The following ENTPD6 variants were observed in gnomAD, a reference collection of about 807,000 sequenced individuals.
The protein encoded by ENTPD6 is CD39 antigen-like 2.
ENTPD6 carries 46 observed loss-of-function variants against 61.5 expected under a neutral mutation model. The ratio of observed to expected loss-of-function variants is 0.75; its 90% CI spans 0.59 to 0.96. The LOEUF is 0.96. Among genes scored for constraint, ENTPD6 ranks in the 40% least tolerant of loss-of-function variants. The pLI is 0.00. For missense variants in ENTPD6, 612 were observed against 629.0 expected (o/e 0.97, Z 0.29); for synonymous variants, 252 against 255.5 (o/e 0.99, Z 0.13).
chr20:25,216,526 C>G (rs2092320879), intron 7 of ENTPD6, 122 bp from the exon 8 acceptor site: 2 of 673,024 alleles, frequency 3.0e-6, no homozygotes, highest in South Asian at 1.8e-5. Context: ...GGAGATTTGT[C>G]AATAGCTGAG....
At position 25,197,885 on chromosome 20, in the gene ENTPD6, T is replaced by C. The variant is rs554978037; in HGVS notation, c.-16+2018T>C. ...GTTTTTTGGATCTCTAAAGTCGTGATAAAGCACGTTCAATTTGGGGACTGA... is the reference window on the plus strand; with the variant it reads ...GTTTTTTGGATCTCTAAAGTCGTGACAAAGCACGTTCAATTTGGGGACTGA... On this transcript the variant is annotated intron_variant, in intron 1 of 14. Coordinates refer to ENST00000376652, the MANE Select transcript of ENTPD6 (RefSeq NM_001247.5). Among the ~76,000 whole-genome samples the C allele has an allele frequency of 3.9e-5, 6 of 152,312 alleles. No homozygotes were observed. In the East Asian group the frequency reaches 1.2e-3, roughly 29 times the overall value.
intron 1 of ENTPD6, among the ~76,000 whole-genome samples, chr20:25,196,745 C>G (rs1011354985): frequency 1.3e-5 from 2 of 152,192 alleles, no homozygotes; most frequent in African/African-American, 4.8e-5. Context: ...AGGACTCTTC[C>G]TCCCACCCGC....
At chr20:25,209,115 AT>A (rs35880604) in intron 3 of ENTPD6, among the ~76,000 whole-genome samples, 11 of 132,180 alleles carry the variant, frequency 8.3e-5, no homozygotes, top group Non-Finnish European at 1.0e-4. Context: ...TTTTTATTTA[AT>A]TTTTTTTTTT....
In ENTPD6 at chr20:25,213,343, C is replaced by T; in HGVS notation, c.534C>T (p.Val178=). ...PFDFWKATPL[V]LKATAGLRLL... is the part of the protein sequence containing the mutation. ...ACTTCTGGAAGGCCACCCCTCTGGT[C>T]CTCAAGGCCACAGCTGGCTTACGCC... The change falls in exon 5 of 15, where the codon GTC becomes GTT. Residue 178 remains valine, a synonymous_variant. Transcript: ENST00000376652. 3.1e-6 allele frequency: 5 copies of T among 1,614,198 alleles called. No homozygotes were observed. Among genetic ancestry groups the T allele is most frequent in the Non-Finnish European group, 4.2e-6 (5 of 1,180,022 alleles).
chr20:25,225,383 A>G (rs1485502730), intron 14 of ENTPD6, 66 bp downstream of exon 14: 2 of 1,595,554 alleles, frequency 1.3e-6, no homozygotes, highest in African/African-American at 1.3e-5. Context: ...CCACTTCTCC[A>G]GTTGCTGGGG....
Position 25,217,521 on chromosome 20 carries a change from C to T in ENTPD6, c.818C>T (p.Pro273Leu), listed in dbSNP as rs1293322468. 6.2e-7 allele frequency: 1 copy of T among 1,614,034 alleles called. No individual in the cohort carries two copies. The highest frequency in any genetic ancestry group is 1.3e-5 in the African/African-American group (1 of 74,920). Residue 273 changes from proline (P) to leucine (L), a missense_variant, in exon 9 of 15, where the codon CCA becomes CTA. Coordinates refer to ENST00000376652, the MANE Select transcript of ENTPD6 (RefSeq NM_001247.5). ...PRVEGTLQAS[P>L]PGYLTALRMF... ...CTCCAGGGCACCCTGCAGGCCTCCC[C>T]ACCCGGCTACCTGACGGCACTGCGG...
intron 12 of ENTPD6, among the ~76,000 whole-genome samples, chr20:25,223,606 C>T (rs1030798681): frequency 1.2e-4 from 18 of 152,192 alleles, no homozygotes; most frequent in Non-Finnish European, 2.4e-4. Flanking sequence ...GGTCTCTGTG[C>T]TGACAAAGCT....
intron 4 of ENTPD6, among the ~76,000 whole-genome samples, chr20:25,211,131 A>G (rs188529679): frequency 6.6e-6 from 1 of 152,328 alleles, no homozygotes; most frequent in African/African-American, 2.4e-5. Context: ...GGCTATGGAG[A>G]GAGTTGTAAC....
In ENTPD6 at chr20:25,227,623, C is replaced by T. The variant is rs2092818342; in HGVS notation, c.*2026C>T. Among the ~76,000 whole-genome samples the T allele has an allele frequency of 6.6e-6, 1 of 152,196 alleles. No individual in the cohort carries two copies. Among genetic ancestry groups the T allele is most frequent in the Non-Finnish European group, 1.5e-5 (1 of 68,040 alleles). ...TAGGGTTGCTTGAAAATTCTGTTCC[C>T]TCAGGATGTGTGCATTGACAAGCTC... On this transcript the variant is annotated 3_prime_UTR_variant, in exon 15 of 15. Coordinates refer to ENST00000376652, the MANE Select transcript of ENTPD6 (RefSeq NM_001247.5).
At chr20:25,208,159 A>G (rs2091670403) in intron 3 of ENTPD6, among the ~76,000 whole-genome samples, 1 of 152,196 alleles carries the variant, frequency 6.6e-6, no homozygotes, top group Admixed American at 6.5e-5. Flanking sequence ...CCATCCTGGC[A>G]TTGCACGGTT....
chr20:25,207,994 C>T (rs1395848935), intron 3 of ENTPD6, among the ~76,000 whole-genome samples: 1 of 152,232 alleles, frequency 6.6e-6, no homozygotes, highest in African/African-American at 2.4e-5. Flanking sequence ...ACCCTCTTCC[C>T]TTGGTTCCCT....
intron 4 of ENTPD6, 138 bp downstream of exon 4, chr20:25,210,063 G>T: frequency 2.4e-6 from 2 of 825,532 alleles, no homozygotes; most frequent in South Asian, 3.0e-5. Flanking sequence ...TGCCATTTGG[G>T]ATGGTCAGAA....
chr20:25,216,365 C>G (rs970702836), intron 7 of ENTPD6, among the ~76,000 whole-genome samples: 1 of 152,182 alleles, frequency 6.6e-6, no homozygotes, highest in Non-Finnish European at 1.5e-5. Context: ...CCAGCTCTTC[C>G]TGGGAGCTAA....
intron 1 of ENTPD6, 133 bp from the exon 2 acceptor site, chr20:25,206,389 T>C (rs1351151809): frequency 5.9e-6 from 4 of 676,714 alleles, no homozygotes; most frequent in Non-Finnish European, 7.8e-6. Flanking sequence ...GAGCAGCCAA[T>C]GAAACTTGAA....
intron 13 of ENTPD6, chr20:25,224,381 T>G: frequency 2.3e-6 from 1 of 427,350 alleles, no homozygotes; most frequent in South Asian, 3.9e-5. Context: ...ATTTTACTGC[T>G]ACTAGGGTAA....
rs1351091630 is a variant in ENTPD6, at chr20:25,227,509, T to C, written c.*1912T>C. Among the ~76,000 whole-genome samples the C allele has an allele frequency of 1.3e-5, 2 of 152,152 alleles. No homozygotes were observed. Among genetic ancestry groups the C allele is most frequent in the Non-Finnish European group, 2.9e-5 (2 of 68,034 alleles). On this transcript the variant is annotated 3_prime_UTR_variant, in exon 15 of 15. Transcript: ENST00000376652. ...TTCTGGGCCCGGCAAAGTATGCAAG[T>C]CATTTCTCTCTGAGTGTCTTTTGTG...
chr20:25,207,284 A>C lies in ENTPD6; in HGVS notation c.263A>C (p.His88Pro). The C allele has an allele frequency of 1.9e-6, 3 of 1,612,582 alleles. No individual in the cohort carries two copies. The highest frequency in any genetic ancestry group is 2.5e-6 in the Non-Finnish European group (3 of 1,179,000). ...GGGGCCCGGTGGGGTCAGCAGGCCC[A>C]CAGCCCCCTGGGGACAGCTGCAGAC... The part of the protein sequence containing the change: ...APGARWGQQA[H>P]SPLGTAADGH... The change falls in exon 3 of 15, where the codon CAC becomes CCC. Residue 88 changes from histidine (H) to proline (P), a missense_variant. Coordinates refer to ENST00000376652, the MANE Select transcript of ENTPD6 (RefSeq NM_001247.5).
At chr20:25,224,072 C>T in intron 12 of ENTPD6, 29 bp from the exon 13 acceptor site, 2 of 1,606,980 alleles carry the variant, frequency 1.2e-6, no homozygotes, top group Non-Finnish European at 1.7e-6. Context: ...CACAGTGCTC[C>T]TGCAGACTGG....
In ENTPD6 at chr20:25,227,831, A is replaced by G. The variant is rs1275550880; in HGVS notation, c.*2234A>G. ...ACGTTGCCTTCAATCCTACTGGACA[A>G]GCATCGGTGCTGGCCTCCCCCATGT... On this transcript the variant is annotated 3_prime_UTR_variant, in exon 15 of 15. Transcript: ENST00000376652. Among the ~76,000 whole-genome samples, 2 of 152,278 alleles carry G rather than the reference A, an allele frequency of 1.3e-5. No homozygotes were observed. Among genetic ancestry groups the G allele is most frequent in the African/African-American group, 4.8e-5 (2 of 41,476 alleles).
Sources: gnomAD v4.1 joint callset for allele counts (sites outside exome capture counted in the v4.1 genomes callset) on GRCh38, gnomAD v4.1.1 for gene constraint, MANE v1.5 for transcripts, NCBI Gene and HGNC (gene_info 2026-07-23, HGNC 2026-07-21) for gene names.